Variants in LAMA2 observed in about 807,000 individuals in gnomAD.
LAMA2 encodes the protein laminin subunit alpha-2.
LAMA2 carries 269 observed loss-of-function variants against 364.8 expected under a neutral mutation model. That is an observed-to-expected ratio of 0.74 (90% CI 0.67 to 0.82). LAMA2 has a LOEUF of 0.82. LAMA2 is among the 40% of genes least tolerant of loss of function. The pLI is 0.00. For missense variants in LAMA2, 3,807 were observed against 3,873.2 expected (o/e 0.98, Z 0.45); for synonymous variants, 1,379 against 1,370.6 (o/e 1.01, Z -0.14).
chr6:129,287,892 A>G lies in LAMA2; in HGVS notation c.2583A>G (p.Ser861=), dbSNP rs745594515. 2 of 1,614,062 alleles carry G rather than the reference A, an allele frequency of 1.2e-6. No homozygotes were observed. Among genetic ancestry groups the G allele is most frequent in the Admixed American group, 1.7e-5 (1 of 60,022 alleles). The change falls in exon 19 of 65, where the codon TCA becomes TCG. Residue 861 remains serine, a synonymous_variant. Coordinates refer to ENST00000421865, the MANE Select transcript of LAMA2 (RefSeq NM_000426.4). ...GACAACCCTCTGTACCTGGAGGATC[A>G]TGTCAGCCATGCCAATGCAATGACA... ...YFGQPSVPGG[S]CQPCQCNDNL...
intron 14 of LAMA2, among the ~76,000 whole-genome samples, chr6:129,259,128 T>C (rs987971342): frequency 6.6e-6 from 1 of 152,112 alleles, no homozygotes; most frequent in African/African-American, 2.4e-5. Flanking sequence ...TCAAAAGTAC[T>C]GTCAAGTGTC....
chr6:129,414,536 C>T (rs915383658), intron 40 of LAMA2, among the ~76,000 whole-genome samples: 1 of 152,036 alleles, frequency 6.6e-6, no homozygotes, highest in Non-Finnish European at 1.5e-5. Flanking sequence ...AATTTCTAAT[C>T]GTATCTATCT....
At chr6:129,090,200 C>A (rs1774733588) in intron 3 of LAMA2, among the ~76,000 whole-genome samples, 1 of 151,872 alleles carries the variant, frequency 6.6e-6, no homozygotes. Context: ...TCAAATGTAC[C>A]CAACACCCAT....
chr6:129,359,249 A>T (rs550177081), intron 32 of LAMA2, among the ~76,000 whole-genome samples: 6 of 144,116 alleles, frequency 4.2e-5, no homozygotes, highest in African/African-American at 1.5e-4. Flanking sequence ...AATTTTATTT[A>T]ATATATATAA....
At chr6:129,374,837 A>C (rs1778283722) in intron 34 of LAMA2, among the ~76,000 whole-genome samples, 4 of 149,682 alleles carry the variant, frequency 2.7e-5, no homozygotes, top group Non-Finnish European at 1.5e-5. Context: ...CACCCGCCTC[A>C]GCCTCCCAAA....
chr6:128,911,855 GTTT>G (rs1348894097), intron 1 of LAMA2, among the ~76,000 whole-genome samples: 4 of 152,108 alleles, frequency 2.6e-5, no homozygotes, highest in African/African-American at 9.6e-5. Flanking sequence ...TATCTGATTA[GTTT>G]CATCTGTCTT....
chr6:128,964,287 G>A (rs1371832130), intron 1 of LAMA2, among the ~76,000 whole-genome samples: 3 of 151,992 alleles, frequency 2.0e-5, no homozygotes, highest in African/African-American at 2.4e-5. Flanking sequence ...TGTATTTTCC[G>A]ACTGACTTGT....
chr6:129,271,079 CACAT>C (rs1787900430), intron 17 of LAMA2, among the ~76,000 whole-genome samples: 1 of 152,102 alleles, frequency 6.6e-6, no homozygotes, highest in Non-Finnish European at 1.5e-5. Context: ...TACACACAGA[CACAT>C]ACCCATCTTC....
chr6:129,004,941 A>G (rs559278336), intron 1 of LAMA2, among the ~76,000 whole-genome samples: 2 of 152,220 alleles, frequency 1.3e-5, no homozygotes, highest in African/African-American at 4.8e-5. Flanking sequence ...ATGCAATCCG[A>G]ATTTTCAAGT....
intron 1 of LAMA2, among the ~76,000 whole-genome samples, chr6:128,915,409 T>A (rs1778246113): frequency 6.6e-6 from 1 of 152,152 alleles, no homozygotes; most frequent in Admixed American, 6.6e-5. Flanking sequence ...AAGGAAGGAA[T>A]TCTATGCAAA....
chr6:129,310,858 T>G lies in LAMA2; in HGVS notation c.3175-2003T>G, dbSNP rs1470248427. Among the ~76,000 whole-genome samples, 3 of 152,202 alleles carry G rather than the reference T, an allele frequency of 2.0e-5. 1 individual carries two copies. In the East Asian group the frequency reaches 5.8e-4, roughly 30 times the overall value. On this transcript the variant is annotated intron_variant, in intron 22 of 64. Transcript: ENST00000421865. ...GTTGCTGTCATAGGAATGTACAGCC[T>G]ATGGATGGTCAAACAAAACCAAAAA...
rs542788940 is a variant in LAMA2, at chr6:129,126,292, G to C, written c.640-17609G>C. On this transcript the variant is annotated intron_variant, in intron 4 of 64. Coordinates refer to ENST00000421865, the MANE Select transcript of LAMA2 (RefSeq NM_000426.4). ...TGTGTTTGTTTTTCAATGAACATCT[G>C]TTTGACAAATTGAAATGCTAATTAT... Among the ~76,000 whole-genome samples the C allele has an allele frequency of 2.0e-5, 3 of 152,270 alleles. No individual in the cohort carries two copies. In the South Asian group the frequency reaches 6.2e-4, roughly 32 times the overall value.
In LAMA2 at chr6:129,460,288, G is replaced by A. The variant is rs750013590; in HGVS notation, c.6956G>A (p.Arg2319Gln). 8.7e-6 allele frequency: 14 copies of A among 1,612,172 alleles called. No homozygotes were observed. Among genetic ancestry groups the A allele is most frequent in the East Asian group, 2.2e-5 (1 of 44,810 alleles). The stretch of plus-strand genomic sequence containing the variant: ...AAACCTATAGGTTTGTGGAATTTCC[G>A]AGAAAAAGAAGGTGACTGCAAAGGA... ...DNKPIGLWNF[R>Q]EKEGDCKGCT... is the part of the protein sequence containing the mutation. The change falls in exon 49 of 65, where the codon CGA becomes CAA. Residue 2319 changes from arginine to glutamine, a missense_variant. By Grantham distance (43) the Arg-to-Gln change is conservative. This residue lies in a region of LAMA2 where 3,333 missense variants were observed against 3,345.7 expected (regional missense o/e 1.00). Coordinates refer to ENST00000421865, the MANE Select transcript of LAMA2 (RefSeq NM_000426.4).
intron 1 of LAMA2, among the ~76,000 whole-genome samples, chr6:128,973,028 A>G (rs965883517): frequency 6.6e-6 from 1 of 152,204 alleles, no homozygotes; most frequent in Non-Finnish European, 1.5e-5. Flanking sequence ...AGAAAAATAA[A>G]TTATAGATTA....
chr6:129,098,329 C>T lies in LAMA2; in HGVS notation c.553C>T (p.Arg185Cys), dbSNP rs777977352. 5.7e-5 allele frequency: 92 copies of T among 1,613,834 alleles called. No individual in the cohort carries two copies. The highest frequency in any genetic ancestry group is 1.6e-4 in the Middle Eastern group (1 of 6,082). ...CCTAACGCTTTACAATATTTATCCCCGCACTGGGCCACCGTCATATGCCAA... is the reference window on the plus strand; with the variant it reads ...CCTAACGCTTTACAATATTTATCCCTGCACTGGGCCACCGTCATATGCCAA... ...ECLTLYNIYP[R>C]TGPPSYAKDD... The change falls in exon 4 of 65, where the codon CGC becomes TGC. Residue 185 changes from arginine to cysteine, a missense_variant. Transcript: ENST00000421865.
intron 7 of LAMA2, among the ~76,000 whole-genome samples, chr6:129,149,982 C>A (rs1194735989): frequency 6.6e-6 from 1 of 152,052 alleles, no homozygotes; most frequent in Non-Finnish European, 1.5e-5. Flanking sequence ...GGTCCTGGAA[C>A]CATTCCCATG....
chr6:129,472,036 C>A (rs930962851), intron 51 of LAMA2, among the ~76,000 whole-genome samples: 1 of 151,834 alleles, frequency 6.6e-6, no homozygotes, highest in East Asian at 1.9e-4. Context: ...ATTTCGTGGT[C>A]AAATAAATTT....
At chr6:129,080,765 A>G (rs924666948) in intron 3 of LAMA2, among the ~76,000 whole-genome samples, 3 of 152,214 alleles carry the variant, frequency 2.0e-5, no homozygotes, top group Non-Finnish European at 4.4e-5. Context: ...GAGGATGTGG[A>G]GAAATAGGAA....
intron 6 of LAMA2, 49 bp from the exon 7 acceptor site, chr6:129,148,930 T>C (rs2114967664): frequency 8.4e-7 from 1 of 1,187,468 alleles, no homozygotes; most frequent in East Asian, 2.3e-5. Flanking sequence ...GCTTCCTTTA[T>C]GGTTCTAAAT....
Sources: gnomAD v4.1 joint callset for allele counts (sites outside exome capture counted in the v4.1 genomes callset) on GRCh38, gnomAD v4.1.1 for gene constraint, gnomAD v4.1.1 regional missense constraint, MANE v1.5 for transcripts, NCBI Gene and HGNC (gene_info 2026-07-23, HGNC 2026-07-21) for gene names.